The following EYS variants were observed in gnomAD, a reference collection of about 807,000 sequenced individuals.
The protein encoded by EYS is protein eyes shut homolog.
EYS carries 250 observed loss-of-function variants against 282.1 expected under a neutral mutation model. That is an observed-to-expected ratio of 0.89 (90% CI 0.80 to 0.98). The LOEUF (loss-of-function observed/expected upper bound fraction) is 0.98, where lower values mean the gene tolerates loss of function less well. EYS is among the 50% of genes least tolerant of loss of function. The pLI, the probability that EYS is intolerant of heterozygous loss-of-function variation, is 0.00. For missense variants in EYS, 4,016 were observed against 3,709.0 expected (o/e 1.08, Z -2.15); for synonymous variants, 1,355 against 1,282.9 (o/e 1.06, Z -1.20).
intron 19 of EYS, among the ~76,000 whole-genome samples, chr6:64,829,539 T>C (rs1337705280): frequency 6.6e-6 from 1 of 151,880 alleles, no homozygotes; most frequent in Non-Finnish European, 1.5e-5. Flanking sequence ...TCTCATAATA[T>C]CTCACTGGAC....
chr6:65,234,474 AT>A (rs1766869994), intron 12 of EYS, among the ~76,000 whole-genome samples: 1 of 152,156 alleles, frequency 6.6e-6, no homozygotes, highest in South Asian at 2.1e-4. Context: ...ATTAGTTTCT[AT>A]ATATTGTGAA....
intron 30 of EYS, among the ~76,000 whole-genome samples, chr6:64,298,710 T>A (rs1490468933): frequency 6.6e-6 from 1 of 152,084 alleles, no homozygotes; most frequent in African/African-American, 2.4e-5. Context: ...GATTGTACTC[T>A]TGAATCAAAA....
intron 11 of EYS, among the ~76,000 whole-genome samples, chr6:65,301,594 C>T (rs1210015985): frequency 1.3e-5 from 2 of 152,242 alleles, no homozygotes; most frequent in Non-Finnish European, 2.9e-5. Flanking sequence ...GTTCGGGTCC[C>T]ACTACTTTGG....
chr6:63,964,312 G>A (rs1208549506), intron 35 of EYS, among the ~76,000 whole-genome samples: 1 of 152,118 alleles, frequency 6.6e-6, no homozygotes, highest in Admixed American at 6.6e-5. Flanking sequence ...AGATCTTAAA[G>A]CCTACTGTTA....
At chr6:64,334,830 TC>T (rs1436679281) in intron 29 of EYS, among the ~76,000 whole-genome samples, 1 of 152,150 alleles carries the variant, frequency 6.6e-6, no homozygotes, top group African/African-American at 2.4e-5. Context: ...TAGCTCATGT[TC>T]CAGTCCAGAT....
At chr6:64,675,170 T>A (rs992698551) in intron 22 of EYS, among the ~76,000 whole-genome samples, 1 of 152,120 alleles carries the variant, frequency 6.6e-6, no homozygotes, top group African/African-American at 2.4e-5. Context: ...TAAATTTTAG[T>A]CAGATTCCAA....
Position 63,975,519 on chromosome 6 carries a change from T to G in EYS, c.7055+8864A>C, listed in dbSNP as rs372929335. On this transcript the variant is annotated intron_variant, in intron 35 of 42. Transcript: ENST00000503581. The stretch of plus-strand genomic sequence containing the variant: ...ACTTTTTGTTTAAGTAACAGTGACC[T>G]AAAACAGGCCTGTTTCTCCTTTTCT... Among the ~76,000 whole-genome samples, 39 of 152,174 alleles carry G rather than the reference T, an allele frequency of 2.6e-4. No individual in the cohort carries two copies. In the East Asian group the frequency reaches 6.8e-3, roughly 26 times the overall value.
chr6:64,439,056 T>C (rs1774846829), intron 27 of EYS, 106 bp downstream of exon 27: 2 of 568,646 alleles, frequency 3.5e-6, no homozygotes, highest in Non-Finnish European at 5.8e-6. Flanking sequence ...GTGGTGAGTA[T>C]AATATATAGA....
At chr6:64,523,772 G>A (rs3857532) in intron 26 of EYS, among the ~76,000 whole-genome samples, 62,857 of 151,428 alleles carry the variant, frequency 0.42, 13,592 homozygotes, top group African/African-American at 0.56. Context: ...TTCAGATTTA[G>A]AATGGTGGTA....
At chr6:64,622,015 A>G (rs1024687245) in intron 23 of EYS, among the ~76,000 whole-genome samples, 1 of 152,178 alleles carries the variant, frequency 6.6e-6, no homozygotes, top group Non-Finnish European at 1.5e-5. Context: ...AAACATCTGA[A>G]TACCTATATT....
intron 22 of EYS, among the ~76,000 whole-genome samples, chr6:64,770,908 G>A (rs1307556977): frequency 6.6e-6 from 1 of 151,656 alleles, no homozygotes; most frequent in Admixed American, 6.6e-5. Flanking sequence ...ATAATTATGA[G>A]GAATAAATAC....
At chr6:64,175,559 G>A (rs1248513104) in intron 31 of EYS, among the ~76,000 whole-genome samples, 1 of 152,162 alleles carries the variant, frequency 6.6e-6, no homozygotes, top group African/African-American at 2.4e-5. Flanking sequence ...ACTGGCTTCT[G>A]TCTCTTTGTG....
At chr6:65,210,810 TAA>T (rs1246785791) in intron 12 of EYS, among the ~76,000 whole-genome samples, 4 of 151,992 alleles carry the variant, frequency 2.6e-5, no homozygotes, top group African/African-American at 7.2e-5. Context: ...TTCTCAGTGT[TAA>T]GTTTTAGACA....
chr6:64,425,052 G>A (rs1410860482), intron 28 of EYS, among the ~76,000 whole-genome samples: 2 of 152,174 alleles, frequency 1.3e-5, no homozygotes, highest in African/African-American at 2.4e-5. Context: ...GAGATTAAGG[G>A]CTCTGGGGTA....
intron 2 of EYS, among the ~76,000 whole-genome samples, chr6:65,611,517 A>G (rs1001731641): frequency 1.9e-4 from 29 of 152,030 alleles, no homozygotes. Context: ...GCCCTAAGTC[A>G]TGACAAGCAG....
chr6:65,469,738 G>A (rs1361386838), intron 5 of EYS, among the ~76,000 whole-genome samples: 59 of 151,902 alleles, frequency 3.9e-4, no homozygotes, highest in Admixed American at 3.9e-3. Flanking sequence ...AAAGCCAGAG[G>A]AATTCAAACT....
chr6:63,828,691 C>T (rs530452000), intron 36 of EYS, among the ~76,000 whole-genome samples: 1 of 152,042 alleles, frequency 6.6e-6, no homozygotes, highest in Non-Finnish European at 1.5e-5. Flanking sequence ...AAATGGCCAA[C>T]AAACATCTGA....
At chr6:65,281,462 A>G (rs910850079) in intron 12 of EYS, among the ~76,000 whole-genome samples, 3 of 152,272 alleles carry the variant, frequency 2.0e-5, no homozygotes, top group Admixed American at 2.0e-4. Context: ...AGTTTTAAAC[A>G]TTGGAAATAG....
At chr6:64,617,775 G>A (rs971386894) in intron 23 of EYS, among the ~76,000 whole-genome samples, 1 of 152,070 alleles carries the variant, frequency 6.6e-6, no homozygotes, top group Non-Finnish European at 1.5e-5. Flanking sequence ...ACCTAGTTAA[G>A]TATAAATGAA....
Sources: allele counts gnomAD v4.1 joint callset (sites outside exome capture counted in the v4.1 genomes callset), GRCh38; gene constraint gnomAD v4.1.1; transcripts MANE v1.5; gene names NCBI Gene and HGNC (gene_info 2026-07-23, HGNC 2026-07-21).